The following IMMP2L variants were observed in gnomAD, a reference collection of about 807,000 sequenced individuals.
IMMP2L encodes inner mitochondrial membrane peptidase subunit 2, also known as mitochondrial inner membrane protease subunit 2.
A neutral mutation model predicts 19.3 loss-of-function variants in IMMP2L; 18 were observed. The ratio of observed to expected loss-of-function variants is 0.93; its 90% CI spans 0.64 to 1.38. The LOEUF (loss-of-function observed/expected upper bound fraction) is 1.38, where lower values mean the gene tolerates loss of function less well. Among genes scored for constraint, IMMP2L ranks in the 40% most tolerant of loss-of-function variants. IMMP2L has a pLI of 0.00. For missense variants in IMMP2L, 233 were observed against 218.2 expected, an observed-to-expected ratio of 1.07 and a Z score of -0.43; for synonymous variants, 76 against 73.0, an observed-to-expected ratio of 1.04 and a Z score of -0.21.
At chr7:111,021,425 A>T (rs745604160) in intron 3 of IMMP2L, among the ~76,000 whole-genome samples, 7 of 152,254 alleles carry the variant, frequency 4.6e-5, no homozygotes, top group Non-Finnish European at 8.8e-5. Flanking sequence ...TAATAAAGGC[A>T]TATCCGAGAC....
chr7:110,664,345 G>A (rs1159944587), intron 5 of IMMP2L, among the ~76,000 whole-genome samples: 2 of 151,858 alleles, frequency 1.3e-5, no homozygotes, highest in Non-Finnish European at 2.9e-5. Context: ...TGAGTAACAC[G>A]GATCTAGTAC....
intron 3 of IMMP2L, among the ~76,000 whole-genome samples, chr7:111,476,992 T>A (rs117799841): frequency 1.3e-5 from 2 of 152,272 alleles, no homozygotes; most frequent in East Asian, 1.9e-4. Context: ...CATGGATATA[T>A]CATCTTATTA....
chr7:111,443,225 T>C (rs1837924108), intron 3 of IMMP2L, among the ~76,000 whole-genome samples: 1 of 151,920 alleles, frequency 6.6e-6, no homozygotes, highest in Non-Finnish European at 1.5e-5. Context: ...CATGGCTACA[T>C]GATATATCAG....
intron 3 of IMMP2L, among the ~76,000 whole-genome samples, chr7:111,071,581 A>G (rs1446544408): frequency 6.6e-6 from 1 of 152,220 alleles, no homozygotes; most frequent in Non-Finnish European, 1.5e-5. Flanking sequence ...GATTCATGCT[A>G]CAATGTGGAT....
At chr7:111,204,091 C>G (rs1212092369) in intron 3 of IMMP2L, among the ~76,000 whole-genome samples, 1 of 152,088 alleles carries the variant, frequency 6.6e-6, no homozygotes, top group Non-Finnish European at 1.5e-5. Context: ...TTTATAGTAT[C>G]TACATTTTAA....
rs1163156475 is a variant in IMMP2L at position 110,823,449 on chromosome 7, T to A, written c.408+63144A>T. On this transcript the variant is annotated intron_variant, in intron 5 of 5. Transcript: ENST00000405709. ...GTAATCACTAAGTAATTTTTAAAAA[T>A]TATATAATAATATATGGAGTATTCT... is the stretch of plus-strand genomic sequence containing the variant. Among the ~76,000 whole-genome samples the A allele has an allele frequency of 2.0e-5, 3 of 151,968 alleles. 1 individual carries two copies. The South Asian group carries it at 6.2e-4, about 31-fold the overall frequency.
chr7:111,131,063 G>A (rs954647063), intron 3 of IMMP2L, among the ~76,000 whole-genome samples: 8 of 151,804 alleles, frequency 5.3e-5, no homozygotes, highest in Non-Finnish European at 1.0e-4. Flanking sequence ...AGTATATGAT[G>A]CTAACAAGTC....
At chr7:110,898,567 T>C (rs567682317) in intron 4 of IMMP2L, among the ~76,000 whole-genome samples, 3 of 152,150 alleles carry the variant, frequency 2.0e-5, no homozygotes, top group Non-Finnish European at 4.4e-5. Flanking sequence ...ATTGCATAGA[T>C]TGGGGAGGCA....
intron 3 of IMMP2L, among the ~76,000 whole-genome samples, chr7:111,326,595 T>C (rs993162828): frequency 6.6e-6 from 1 of 151,774 alleles, no homozygotes; most frequent in Non-Finnish European, 1.5e-5. Context: ...GCAAAGATGG[T>C]CAAGATCACT....
intron 5 of IMMP2L, among the ~76,000 whole-genome samples, chr7:110,839,088 T>C (rs1804794381): frequency 6.6e-6 from 1 of 152,156 alleles, no homozygotes; most frequent in South Asian, 2.1e-4. Context: ...GACCCTTAAA[T>C]TTCTTCATTT....
intron 5 of IMMP2L, among the ~76,000 whole-genome samples, chr7:110,815,404 CA>C (rs1389510815): frequency 3.3e-5 from 5 of 152,008 alleles, no homozygotes; most frequent in Admixed American, 2.6e-4. Context: ...CAATGTTCAT[CA>C]AGGATATTGG....
At chr7:111,041,911 A>C (rs2129571039) in intron 3 of IMMP2L, among the ~76,000 whole-genome samples, 1 of 152,304 alleles carries the variant, frequency 6.6e-6, no homozygotes, top group African/African-American at 2.4e-5. Context: ...CAGTTGTGTG[A>C]ACTTAAGTTG....
chr7:111,157,312 T>C (rs1804746685), intron 3 of IMMP2L, among the ~76,000 whole-genome samples: 1 of 152,076 alleles, frequency 6.6e-6, no homozygotes, highest in Non-Finnish European at 1.5e-5. Context: ...TAGCCAAGAT[T>C]TGGAAGCAAC....
At chr7:111,224,759 T>A (rs1812898388) in intron 3 of IMMP2L, among the ~76,000 whole-genome samples, 1 of 152,112 alleles carries the variant, frequency 6.6e-6, no homozygotes, top group Non-Finnish European at 1.5e-5. Context: ...ACAGATGATA[T>A]GAAAGCACTG....
chr7:110,927,944 T>C (rs1019211832), intron 4 of IMMP2L, among the ~76,000 whole-genome samples: 1 of 152,114 alleles, frequency 6.6e-6, no homozygotes, highest in Admixed American at 6.6e-5. Context: ...GCAGTATCTC[T>C]TATCTCCACT....
rs1286224551 is a variant in IMMP2L, at chr7:110,760,760, T to C, written c.409-97039A>G. ...ACCTGGAATATCTCAAAAGGTTTGC[T>C]GACTATTGTTAACAGCTCTGACTAA... On this transcript the variant is annotated intron_variant, in intron 5 of 5. Coordinates refer to ENST00000405709, the MANE Select transcript of IMMP2L (RefSeq NM_032549.4). The surrounding 1 kb of genome is among the most constrained non-coding windows in gnomAD (Gnocchi z 4.2). Among the ~76,000 whole-genome samples, 1 of 152,162 alleles carries C rather than the reference T, an allele frequency of 6.6e-6. No homozygotes were observed.
chr7:110,918,951 C>T (rs1813945768), intron 4 of IMMP2L, among the ~76,000 whole-genome samples: 1 of 152,110 alleles, frequency 6.6e-6, no homozygotes, highest in Admixed American at 6.6e-5. Context: ...ATTGATGGTT[C>T]ATCTTTGCCA....
intron 5 of IMMP2L, among the ~76,000 whole-genome samples, chr7:110,685,321 T>C (rs73208711): frequency 0.027 from 4,138 of 152,236 alleles, 72 homozygotes; most frequent in Middle Eastern, 0.088. Flanking sequence ...TTTCTCATTG[T>C]CCAATGGGAA....
intron 4 of IMMP2L, among the ~76,000 whole-genome samples, chr7:110,900,132 C>T (rs1401391750): frequency 6.6e-6 from 1 of 152,166 alleles, no homozygotes; most frequent in African/African-American, 2.4e-5. Context: ...TGGTATATGT[C>T]TGACCCATAA....
Sources: gnomAD v4.1 joint callset for allele counts (sites outside exome capture counted in the v4.1 genomes callset) on GRCh38, gnomAD v4.1.1 for gene constraint, Gnocchi (gnomAD v3.1) non-coding constraint, MANE v1.5 for transcripts, NCBI Gene and HGNC (gene_info 2026-07-23, HGNC 2026-07-21) for gene names.